The following DLGAP2 variants were observed in gnomAD, a reference collection of about 807,000 sequenced individuals.
DLGAP2 encodes disks large-associated protein 2.
In DLGAP2, 26 loss-of-function variants were observed where a neutral mutation model predicts 100.3. The observed-to-expected ratio is 0.26, with a 90% CI of 0.19 to 0.36. DLGAP2 has a LOEUF of 0.36. Among genes scored for constraint, DLGAP2 ranks in the 10% least tolerant of loss-of-function variants. The pLI is 1.00. For synonymous variants in DLGAP2, 886 were observed against 630.1 expected (o/e 1.41, Z -6.08); for missense variants, 1,858 against 1,453.2 (o/e 1.28, Z -4.53).
chr8:1,427,668 A>C (rs932113048), intron 3 of DLGAP2, among the ~76,000 whole-genome samples: 7 of 152,226 alleles, frequency 4.6e-5, no homozygotes, highest in African/African-American at 1.7e-4. Flanking sequence ...GAGTCTCATG[A>C]GATCTGATGG....
In DLGAP2 at chr8:761,117, C is replaced by T. The variant is rs577377044; in HGVS notation, c.18+23292C>T. Among the ~76,000 whole-genome samples, 33 of 152,302 alleles carry T rather than the reference C, an allele frequency of 2.2e-4. No individual in the cohort carries two copies. The South Asian group carries it at 6.8e-3, about 32-fold the overall frequency. ...TGCACGTCGCTTGTGTCCCTTTCGTCTCTGCCCGGAGTGACCAGGCCTGGG... is the reference window on the plus strand; with the variant it reads ...TGCACGTCGCTTGTGTCCCTTTCGTTTCTGCCCGGAGTGACCAGGCCTGGG... On this transcript the variant is annotated intron_variant, in intron 1 of 14. Transcript: ENST00000637795.
At chr8:1,165,215 G>T (rs1423274121) in intron 2 of DLGAP2, among the ~76,000 whole-genome samples, 1 of 150,548 alleles carries the variant, frequency 6.6e-6, no homozygotes, top group East Asian at 2.0e-4. Context: ...AGGGGGAGAT[G>T]GGGGGGCGGG....
intron 6 of DLGAP2, among the ~76,000 whole-genome samples, chr8:1,625,654 A>G (rs1797471783): frequency 6.6e-6 from 1 of 152,210 alleles, no homozygotes; most frequent in Non-Finnish European, 1.5e-5. Context: ...AATTTTTATG[A>G]GACTCTCAGT....
chr8:1,195,356 T>C (rs752060576), intron 2 of DLGAP2, among the ~76,000 whole-genome samples: 1 of 152,212 alleles, frequency 6.6e-6, no homozygotes, highest in African/African-American at 2.4e-5. Flanking sequence ...CCTGGCCAGA[T>C]GCACGCAGCC....
At chr8:806,695 G>A (rs1266778225) in intron 1 of DLGAP2, among the ~76,000 whole-genome samples, 1 of 152,202 alleles carries the variant, frequency 6.6e-6, no homozygotes, top group Non-Finnish European at 1.5e-5. Context: ...GTGCATTTCA[G>A]AGAAGTCGTG....
chr8:845,180 C>G (rs573228431), intron 1 of DLGAP2, among the ~76,000 whole-genome samples: 85 of 152,082 alleles, frequency 5.6e-4, no homozygotes, highest in Non-Finnish European at 1.1e-3. Flanking sequence ...GGGTATATAC[C>G]TAGGAGTGGA....
intron 2 of DLGAP2, among the ~76,000 whole-genome samples, chr8:1,077,373 C>T (rs1296933084): frequency 6.6e-6 from 1 of 152,202 alleles, no homozygotes; most frequent in East Asian, 1.9e-4. Context: ...CTCAGCTCGT[C>T]ACACGGCAGT....
chr8:1,435,454 G>A (rs148563479), intron 3 of DLGAP2, among the ~76,000 whole-genome samples: 97 of 152,170 alleles, frequency 6.4e-4, no homozygotes, highest in African/African-American at 1.9e-3. Flanking sequence ...CCTCATAGCC[G>A]TCACAATGCA....
chr8:950,913 C>T (rs1014000401), intron 2 of DLGAP2, among the ~76,000 whole-genome samples: 7 of 151,846 alleles, frequency 4.6e-5, no homozygotes, highest in African/African-American at 1.5e-4. Context: ...CGTGAGCCAC[C>T]GCGCTCGGCC....
chr8:832,001 A>G (rs1796793429), intron 1 of DLGAP2, among the ~76,000 whole-genome samples: 1 of 152,198 alleles, frequency 6.6e-6, no homozygotes, highest in Non-Finnish European at 1.5e-5. Context: ...TTGATTGCAT[A>G]AATGTCTTCT....
At chr8:758,117 A>C (rs1483801243) in intron 1 of DLGAP2, among the ~76,000 whole-genome samples, 1 of 152,240 alleles carries the variant, frequency 6.6e-6, no homozygotes, top group African/African-American at 2.4e-5. Context: ...AAATGAGCTC[A>C]CTGAAGCCTA....
chr8:1,675,401 G>T (rs4875887), intron 10 of DLGAP2, among the ~76,000 whole-genome samples: 70,249 of 152,064 alleles, frequency 0.46, 19,581 homozygotes, highest in African/African-American at 0.77. Flanking sequence ...ATTGTGTGGA[G>T]TACACGTGAT....
intron 5 of DLGAP2, among the ~76,000 whole-genome samples, chr8:1,551,417 C>A (rs1158721834): frequency 6.6e-6 from 1 of 152,144 alleles, no homozygotes; most frequent in East Asian, 1.9e-4. Flanking sequence ...GGTTTTGCCC[C>A]AGGGTCACCT....
intron 6 of DLGAP2, among the ~76,000 whole-genome samples, chr8:1,584,673 G>T (rs1371875295): frequency 1.3e-5 from 2 of 152,186 alleles, no homozygotes; most frequent in Non-Finnish European, 2.9e-5. Context: ...TGGGCATGAG[G>T]TGAGGACCTG....
chr8:1,616,659 A>G (rs1016706538), intron 6 of DLGAP2, among the ~76,000 whole-genome samples: 1 of 152,250 alleles, frequency 6.6e-6, no homozygotes, highest in African/African-American at 2.4e-5. Context: ...TTAAAAAATG[A>G]GAGCAAAATA....
At chr8:922,334 C>A (rs182793591) in intron 2 of DLGAP2, among the ~76,000 whole-genome samples, 120 of 152,250 alleles carry the variant, frequency 7.9e-4, no homozygotes, top group Non-Finnish European at 1.5e-3. Flanking sequence ...CGGACCCCTC[C>A]GGAGGGAAAA....
chr8:801,975 C>T (rs10098996), intron 1 of DLGAP2, among the ~76,000 whole-genome samples: 1,360 of 62,696 alleles, frequency 0.022, 1 homozygote, highest in Middle Eastern at 0.048. Flanking sequence ...CGGTCTGCAC[C>T]CCTCCTGGGT....
At chr8:961,014 G>C (rs560722969) in intron 2 of DLGAP2, among the ~76,000 whole-genome samples, 3 of 152,178 alleles carry the variant, frequency 2.0e-5, no homozygotes, top group Admixed American at 1.3e-4. Context: ...TTCTAATTTG[G>C]AGAAGGGATT....
intron 2 of DLGAP2, among the ~76,000 whole-genome samples, chr8:1,164,304 G>GCCC (rs1563224449): frequency 2.2e-4 from 22 of 100,806 alleles, no homozygotes; most frequent in Admixed American, 3.2e-4. Context: ...GCCCCCCAGG[G>GCCC]TTTGTTTTTG....
Sources: allele counts gnomAD v4.1 joint callset (sites outside exome capture counted in the v4.1 genomes callset), GRCh38; gene constraint gnomAD v4.1.1; transcripts MANE v1.5; gene names NCBI Gene and HGNC (gene_info 2026-07-23, HGNC 2026-07-21).